Variants in ZNF268 observed in about 807,000 individuals in gnomAD.
ZNF268 encodes zinc finger protein 3.
Under a neutral mutation model 29.3 loss-of-function variants are expected in ZNF268, and 20 were observed. That is an observed-to-expected ratio of 0.68 (90% confidence interval 0.48 to 0.99). ZNF268 has a LOEUF of 0.99. ZNF268 is among the 50% of genes least tolerant of loss of function. The pLI, the probability that ZNF268 is intolerant of heterozygous loss-of-function variation, is 0.00. For missense variants in ZNF268, 1,240 were observed against 1,121.6 expected (o/e 1.11, Z -1.51); for synonymous variants, 429 against 376.9 (o/e 1.14, Z -1.60).
chr12:133,203,545 C>T lies in ZNF268; in HGVS notation c.1859C>T (p.Ala620Val), dbSNP rs1418086979. 5 of 1,553,034 alleles carry T rather than the reference C, an allele frequency of 3.2e-6. No individual in the cohort carries two copies. Among genetic ancestry groups the T allele is most frequent in the Non-Finnish European group, 4.3e-6 (5 of 1,152,544 alleles). The change falls in exon 6 of 6, where the codon GCC (alanine) becomes GTC (valine). Residue 620 changes from alanine to valine, a missense_variant. This residue lies in a region of ZNF268 where 1,177 missense variants were observed against 1,039.6 expected (regional missense o/e 1.13). Coordinates refer to ENST00000536435, the MANE Select transcript of ZNF268 (RefSeq NM_003415.3). The stretch of plus-strand genomic sequence containing the variant: ...TTTGAATGTAGTGAGTGTCAGAAAG[C>T]CTTTAATACAAAGTCAAACCTGATT... ...KPFECSECQK[A>V]FNTKSNLIVH...
chr12:133,194,701 G>T (rs999663817), intron 5 of ZNF268, among the ~76,000 whole-genome samples: 1 of 152,188 alleles, frequency 6.6e-6, no homozygotes, highest in Non-Finnish European at 1.5e-5. Context: ...CGGGACTGGG[G>T]ATAGAAATGG....
At position 133,193,746 on chromosome 12, in the gene ZNF268, C is replaced by T. The variant is rs1449467920; in HGVS notation, c.457+1743C>T. On this transcript the variant is annotated intron_variant, in intron 5 of 5. Coordinates refer to ENST00000536435, the MANE Select transcript of ZNF268 (RefSeq NM_003415.3). ...GGAAGATTGAAGCTCTTTTCCTCTA[C>T]TGGTAATTGATAGCCATACTGATCT... 2.0e-5 allele frequency among the ~76,000 whole-genome samples: 3 copies of T among 152,300 alleles called. No homozygotes were observed. In the East Asian group the frequency reaches 5.8e-4, roughly 29 times the overall value.
At chr12:133,185,096 A>G (rs1477006307) in intron 2 of ZNF268, among the ~76,000 whole-genome samples, 1 of 150,932 alleles carries the variant, frequency 6.6e-6, no homozygotes, top group East Asian at 2.0e-4. Flanking sequence ...AGGCAGAAAA[A>G]TCGCTTGAAC....
In ZNF268 at chr12:133,202,715, C is replaced by A; in HGVS notation, c.1029C>A (p.Phe343Leu). The A allele has an allele frequency of 6.2e-7, 1 of 1,611,284 alleles. No homozygotes were observed. Among genetic ancestry groups the A allele is most frequent in the Non-Finnish European group, 8.5e-7 (1 of 1,178,822 alleles). The change falls in exon 6 of 6, where the codon TTC (phenylalanine) becomes TTA (leucine). Residue 343 changes from phenylalanine (F) to leucine (L), a missense_variant. Physicochemically the swap from Phe to Leu is conservative, Grantham distance 22. This residue lies in a region of ZNF268 where 1,177 missense variants were observed against 1,039.6 expected (regional missense o/e 1.13). Coordinates refer to ENST00000536435, the MANE Select transcript of ZNF268 (RefSeq NM_003415.3). ...ECSECRKTFS[F>L]HSQLVIHQRI... ...GTGAATGCAGGAAAACATTCAGTTT[C>A]CATTCACAGCTTGTTATACATCAGA...
chr12:133,193,536 G>T, intron 5 of ZNF268: 1 of 681,094 alleles, frequency 1.5e-6, no homozygotes, highest in Non-Finnish European at 2.7e-6. Context: ...CTCTGGAGGT[G>T]AGGAACACTG....
At position 133,203,672 on chromosome 12, in the gene ZNF268, C is replaced by T; in HGVS notation, c.1986C>T (p.His662=). ...AGCTCATTGTACATAAAGGAGTGCA[C>T]ACTGGAGTAAAACCCTATGGATGCA... ...KSQLIVHKGV[H]TGVKPYGCSQ... is the part of the protein sequence containing the mutation. The change falls in exon 6 of 6, where the codon CAC becomes CAT. Residue 662 remains histidine (H), a synonymous_variant. Coordinates refer to ENST00000536435, the MANE Select transcript of ZNF268 (RefSeq NM_003415.3). 2.6e-6 allele frequency: 4 copies of T among 1,550,208 alleles called. No homozygotes were observed. Among genetic ancestry groups the T allele is most frequent in the Non-Finnish European group, 3.5e-6 (4 of 1,153,076 alleles).
At chr12:133,191,765 T>G (rs753188536) in intron 4 of ZNF268, 143 bp from the exon 5 acceptor site, 13 of 1,439,740 alleles carry the variant, frequency 9.0e-6, no homozygotes, top group Non-Finnish European at 1.3e-5. Context: ...CAGCAGAGTA[T>G]GCCAGTTGAA....
Position 133,203,492 on chromosome 12 carries a change from C to A in ZNF268, c.1806C>A (p.His602Gln), listed in dbSNP as rs1956810450. The A allele has an allele frequency of 6.5e-7, 1 of 1,542,846 alleles. No homozygotes were observed. Among genetic ancestry groups the A allele is most frequent in the African/African-American group, 1.4e-5 (1 of 72,908 alleles). The change falls in exon 6 of 6, where the codon CAC (histidine) becomes CAA (glutamine). Residue 602 changes from histidine (H) to glutamine (Q), a missense_variant. Physicochemically the swap from His to Gln is conservative, Grantham distance 24. Around this residue, in one of 3 missense-constraint regions of ZNF268, gnomAD observed 1,177 missense variants for 1,039.6 expected, o/e 1.13. Transcript: ENST00000536435. ...AFGLKSQLII[H>Q]QRTHTGEKPF... is the part of the protein sequence containing the mutation. ...GTTTAAAGTCACAGCTTATTATACA[C>A]CAGAGAACTCATACAGGGGAGAAAC...
chr12:133,203,868 G>A lies in ZNF268; in HGVS notation c.2182G>A (p.Glu728Lys). Reference protein sequence around the residue: ...HTGEKPHECRECGKSFSFNSQ... With the variant: ...HTGEKPHECRKCGKSFSFNSQ... ...AGGAGAGAAACCACATGAGTGCAGG[G>A]AATGCGGGAAATCCTTTAGTTTCAA... The change falls in exon 6 of 6, where the codon GAA (glutamate) becomes AAA (lysine). Residue 728 changes from glutamate (E) to lysine (K), a missense_variant. By Grantham distance (56) the Glu-to-Lys change is moderately conservative (BLOSUM62 1). Transcript: ENST00000536435. 1.9e-6 allele frequency: 3 copies of A among 1,569,426 alleles called. No homozygotes were observed. The highest frequency in any genetic ancestry group is 2.6e-6 in the Non-Finnish European group (3 of 1,162,374).
rs745313953 is a variant in ZNF268, at chr12:133,203,149, T to C, written c.1463T>C (p.Ile488Thr). 30 of 1,537,540 alleles carry C rather than the reference T, an allele frequency of 2.0e-5. No homozygotes were observed. The highest frequency in any genetic ancestry group is 2.6e-5 in the Non-Finnish European group (30 of 1,146,830). Residue 488 changes from isoleucine to threonine, a missense_variant, in exon 6 of 6, where the codon ATT becomes ACT. By Grantham distance (89) the Ile-to-Thr change is moderately conservative (BLOSUM62 -1). Transcript: ENST00000536435. ...GKGFSLKSQL[I>T]VHQRSHTGMK... is the part of the protein sequence containing the mutation. ...GGATTCAGTTTGAAATCACAGCTCA[T>C]TGTACATCAGAGAAGTCACACAGGA... is the stretch of plus-strand genomic sequence containing the variant.
chr12:133,185,966 T>C (rs1481453208), intron 2 of ZNF268, among the ~76,000 whole-genome samples: 1 of 152,232 alleles, frequency 6.6e-6, no homozygotes, highest in Admixed American at 6.5e-5. Flanking sequence ...TTGTTTTCTT[T>C]TGCCGTTTCA....
chr12:133,182,221 C>T (rs1956194299), intron 2 of ZNF268, among the ~76,000 whole-genome samples, 191 bp downstream of exon 2: 2 of 152,080 alleles, frequency 1.3e-5, no homozygotes. Flanking sequence ...TTTTTTCCTC[C>T]TTTCATCAAT....
rs758453705 is a variant in ZNF268 at position 133,202,983 on chromosome 12, G to A, written c.1297G>A (p.Val433Ile). The change falls in exon 6 of 6, where the codon GTA becomes ATA. Residue 433 changes from valine (V) to isoleucine (I), a missense_variant. Transcript: ENST00000536435. Reference sequence around the variant, plus strand: ...CTTTAATACAAAGTCAAACCTTATGGTACATCAGAGAACCCATACAGGGGA... The same window carrying A: ...CTTTAATACAAAGTCAAACCTTATGATACATCAGAGAACCCATACAGGGGA... Reference protein sequence around the residue: ...KAFNTKSNLMVHQRTHTGEKP... With the variant: ...KAFNTKSNLMIHQRTHTGEKP... 1.3e-6 allele frequency: 2 copies of A among 1,548,752 alleles called. No homozygotes were observed. The highest frequency in any genetic ancestry group is 2.7e-5 in the African/African-American group (2 of 73,480).
intron 2 of ZNF268, among the ~76,000 whole-genome samples, chr12:133,185,520 A>AGTGAGAGAGAGGAG (rs1956291171): frequency 1.5e-5 from 2 of 131,008 alleles, no homozygotes; most frequent in East Asian, 2.0e-4. Flanking sequence ...CAGATCAGGT[A>AGTGAGAGAGAGGAG]ACCTGGAAGG....
rs563697912 is a variant in ZNF268, at chr12:133,205,179, C to T, written c.*649C>T. 22 of 103,964 alleles carry T rather than the reference C, an allele frequency of 2.1e-4. 1 individual carries two copies. Among genetic ancestry groups the T allele is most frequent in the African/African-American group, 6.5e-4 (22 of 33,894 alleles). 6.4% of individuals were successfully genotyped at this position (103,964 alleles called of 1,614,324 possible). On this transcript the variant is annotated 3_prime_UTR_variant, in exon 6 of 6. Transcript: ENST00000536435. The stretch of plus-strand genomic sequence containing the variant: ...AAAAAAAAAAAAAAAAAAAACCAAC[C>T]TGTTATTATATCTTAATATTAATTT...
Position 133,202,678 on chromosome 12 carries a change from T to G in ZNF268, c.992T>G (p.Leu331Arg). 1 of 1,608,592 alleles carries G rather than the reference T, an allele frequency of 6.2e-7. No homozygotes were observed. Among genetic ancestry groups the G allele is most frequent in the South Asian group, 1.1e-5 (1 of 90,446 alleles). Residue 331 changes from leucine (L) to arginine (R), a missense_variant, in exon 6 of 6, where the codon CTA becomes CGA. Physicochemically the swap from Leu to Arg is moderately radical, Grantham distance 102. This residue lies in a region of ZNF268 where 1,177 missense variants were observed against 1,039.6 expected (regional missense o/e 1.13). Coordinates refer to ENST00000536435, the MANE Select transcript of ZNF268 (RefSeq NM_003415.3). The stretch of plus-strand genomic sequence containing the variant: ...CAGAGAATTCATACAGGAGAGAAAC[T>G]ACATGAATGCAGTGAATGCAGGAAA... ...VHQRIHTGEK[L>R]HECSECRKTF...
Position 133,191,479 on chromosome 12 carries a change from T to C in ZNF268, c.235-10T>C, listed in dbSNP as rs769175478. 4 of 1,613,984 alleles carry C rather than the reference T, an allele frequency of 2.5e-6. No individual in the cohort carries two copies. The South Asian group carries it at 3.3e-5, about 13-fold the overall frequency. ...ATAACTTGAAATTGGATGAGCATAT[T>C]GTATTTCAGGGACCTTTGTCATTCA... On this transcript the variant is annotated splice_polypyrimidine_tract_variant and intron_variant, in intron 3 of 5. Transcript: ENST00000536435.
At chr12:133,197,044 A>G (rs1182773867) in intron 5 of ZNF268, among the ~76,000 whole-genome samples, 1 of 137,442 alleles carries the variant, frequency 7.3e-6, no homozygotes, top group Non-Finnish European at 1.6e-5. Flanking sequence ...TTTTTTTTTA[A>G]ATATTATTAT....
chr12:133,202,480 T>C lies in ZNF268; in HGVS notation c.794T>C (p.Met265Thr), dbSNP rs191159006. ...ACCGTCAATAAGAAATCGCAACTTATGTGCCAACAAATGTATATGGGCGAA... is the reference window on the plus strand; with the variant it reads ...ACCGTCAATAAGAAATCGCAACTTACGTGCCAACAAATGTATATGGGCGAA... Reference protein sequence around the residue: ...GKTVNKKSQLMCQQMYMGEKP... With the variant: ...GKTVNKKSQLTCQQMYMGEKP... The change falls in exon 6 of 6, where the codon ATG (methionine) becomes ACG (threonine). Residue 265 changes from methionine to threonine, a missense_variant. Met to Thr is a moderately conservative substitution (Grantham distance 81). Around this residue, in one of 3 missense-constraint regions of ZNF268, gnomAD observed 1,177 missense variants for 1,039.6 expected, o/e 1.13. Transcript: ENST00000536435. 58 of 1,612,228 alleles carry C rather than the reference T, an allele frequency of 3.6e-5. No individual in the cohort carries two copies. The highest frequency in any genetic ancestry group is 4.8e-5 in the Non-Finnish European group (57 of 1,179,124).
Sources: gnomAD v4.1 joint callset for allele counts (sites outside exome capture counted in the v4.1 genomes callset) on GRCh38, gnomAD v4.1.1 for gene constraint, gnomAD v4.1.1 regional missense constraint, MANE v1.5 for transcripts, NCBI Gene and HGNC (gene_info 2026-07-23, HGNC 2026-07-21) for gene names.